The following MAGI2 variants were observed in gnomAD, a reference collection of about 807,000 sequenced individuals.
The protein encoded by MAGI2 is membrane associated guanylate kinase, WW and PDZ domain containing 2.
In MAGI2, 35 loss-of-function variants were observed where a neutral mutation model predicts 133.3. That is an observed-to-expected ratio of 0.26 (90% CI 0.20 to 0.35). MAGI2 has a LOEUF of 0.35. Ranked by LOEUF, MAGI2 falls within the 10% of genes least tolerant of loss-of-function variation. The probability of loss-of-function intolerance (pLI) is 1.00; values close to 1 mark genes in which losing one functional copy is unlikely to be tolerated. For missense variants in MAGI2, 1,636 were observed against 1,863.4 expected (o/e 0.88, Z 2.25); for synonymous variants, 729 against 710.6 (o/e 1.03, Z -0.41).
intron 2 of MAGI2, among the ~76,000 whole-genome samples, chr7:78,881,159 TC>T (rs1307546763): frequency 6.6e-6 from 1 of 152,090 alleles, no homozygotes; most frequent in Non-Finnish European, 1.5e-5. Context: ...ACTAGACAGA[TC>T]ATCAAGGCAG....
chr7:78,399,382 G>T (rs887730486), intron 6 of MAGI2, among the ~76,000 whole-genome samples: 11 of 152,210 alleles, frequency 7.2e-5, no homozygotes, highest in Admixed American at 2.6e-4. Context: ...CGTGTTATAT[G>T]CTGTGAAATG....
At chr7:79,160,806 T>A (rs1199551076) in intron 1 of MAGI2, among the ~76,000 whole-genome samples, 1 of 152,188 alleles carries the variant, frequency 6.6e-6, no homozygotes, top group East Asian at 1.9e-4. Flanking sequence ...ACAGGCTTTA[T>A]GATAACTGGT....
rs114410188 is a variant in MAGI2 at position 79,284,472 on chromosome 7, T to C, written c.301+168548A>G. ...CATATCACATACTTTTAATAGTTACTGCATATGCTGGCCTCTTCCAATTTT... is the reference window on the plus strand; with the variant it reads ...CATATCACATACTTTTAATAGTTACCGCATATGCTGGCCTCTTCCAATTTT... On this transcript the variant is annotated intron_variant, in intron 1 of 21. Coordinates refer to ENST00000354212, the MANE Select transcript of MAGI2 (RefSeq NM_012301.4). Among the ~76,000 whole-genome samples the C allele has an allele frequency of 9.9e-3, 1,504 of 152,250 alleles. 25 individuals carry two copies. The highest frequency in any genetic ancestry group is 0.035 in the African/African-American group (1,452 of 41,574).
intron 1 of MAGI2, among the ~76,000 whole-genome samples, chr7:79,286,074 C>T (rs1835975836): frequency 6.6e-6 from 1 of 151,862 alleles, no homozygotes; most frequent in Non-Finnish European, 1.5e-5. Context: ...AACTACCTTT[C>T]CTGGAATGAG....
chr7:79,113,762 C>A (rs1294378740), intron 1 of MAGI2, among the ~76,000 whole-genome samples: 2 of 151,874 alleles, frequency 1.3e-5, no homozygotes, highest in Admixed American at 6.6e-5. Context: ...TGCGTGTATT[C>A]TGCTACCCAG....
chr7:78,124,681 GAC>G (rs143567278), intron 20 of MAGI2, among the ~76,000 whole-genome samples: 5 of 150,404 alleles, frequency 3.3e-5, no homozygotes, highest in Non-Finnish European at 3.0e-5. Flanking sequence ...TTCATACACC[GAC>G]ACACACACAC....
At chr7:79,056,741 TA>T (rs1813181661) in intron 1 of MAGI2, among the ~76,000 whole-genome samples, 1 of 152,252 alleles carries the variant, frequency 6.6e-6, no homozygotes, top group Admixed American at 6.5e-5. Context: ...GTAATTATTA[TA>T]AAGAATAATA....
chr7:78,633,401 G>GC (rs990991845), intron 2 of MAGI2, among the ~76,000 whole-genome samples: 1 of 151,544 alleles, frequency 6.6e-6, no homozygotes, highest in Non-Finnish European at 1.5e-5. Context: ...GAACCTAAAA[G>GC]TTTTTTTTTA....
intron 16 of MAGI2, among the ~76,000 whole-genome samples, chr7:78,154,385 G>A (rs1017102289): frequency 2.0e-5 from 3 of 152,206 alleles, no homozygotes; most frequent in African/African-American, 7.2e-5. Context: ...GGAGGATTGC[G>A]AGGAGCCAGC....
chr7:78,338,099 T>C (rs1355571937), intron 9 of MAGI2, among the ~76,000 whole-genome samples: 1 of 152,194 alleles, frequency 6.6e-6, no homozygotes, highest in East Asian at 1.9e-4. Flanking sequence ...ATTTGTGATA[T>C]TTTGGTTTTT....
intron 2 of MAGI2, among the ~76,000 whole-genome samples, chr7:78,706,968 G>A (rs77656760): frequency 0.019 from 2,940 of 152,146 alleles, 84 homozygotes; most frequent in African/African-American, 0.061. Flanking sequence ...GAATGACTTG[G>A]CCCTCCAGAA....
At chr7:78,284,805 T>C (rs1197950244) in intron 9 of MAGI2, among the ~76,000 whole-genome samples, 1 of 152,082 alleles carries the variant, frequency 6.6e-6, no homozygotes, top group Non-Finnish European at 1.5e-5. Flanking sequence ...GATTATATGG[T>C]AGGAGAATCT....
intron 6 of MAGI2, among the ~76,000 whole-genome samples, chr7:78,451,036 A>C (rs1788674087): frequency 6.6e-6 from 1 of 152,108 alleles, no homozygotes; most frequent in Admixed American, 6.6e-5. Context: ...AAATGTTGAC[A>C]TCAAGGTCAT....
In MAGI2 at chr7:78,686,882, T is replaced by C. The variant is rs528159458; in HGVS notation, c.419-59643A>G. On this transcript the variant is annotated intron_variant, in intron 2 of 21. Coordinates refer to ENST00000354212, the MANE Select transcript of MAGI2 (RefSeq NM_012301.4). ...ACTAGAGGTGGCTAAAAGTGAAACA[T>C]TCCCCTTCAGAGGTACTAAGTTCTA... Among the ~76,000 whole-genome samples the C allele has an allele frequency of 6.2e-4, 95 of 152,288 alleles. 2 individuals are homozygous for C. Among genetic ancestry groups the C allele is most frequent in the Middle Eastern group, 6.8e-3 (2 of 294 alleles).
intron 1 of MAGI2, among the ~76,000 whole-genome samples, chr7:79,055,272 T>C (rs1452986683): frequency 2.1e-5 from 3 of 139,600 alleles, no homozygotes; most frequent in African/African-American, 9.0e-5. Flanking sequence ...ACATAAACTT[T>C]GTAAGGGCAT....
chr7:78,128,992 T>A (rs1821273875), intron 18 of MAGI2, among the ~76,000 whole-genome samples: 1 of 152,224 alleles, frequency 6.6e-6, no homozygotes, highest in South Asian at 2.1e-4. Flanking sequence ...TGTCAGTGTG[T>A]GTTGGTTCCT....
At chr7:78,223,691 G>A (rs1789064241) in intron 10 of MAGI2, among the ~76,000 whole-genome samples, 1 of 152,016 alleles carries the variant, frequency 6.6e-6, no homozygotes, top group South Asian at 2.1e-4. Flanking sequence ...AATGCCACAA[G>A]CCTCCCTATT....
chr7:78,773,012 T>A (rs112464063), intron 2 of MAGI2, among the ~76,000 whole-genome samples: 2 of 152,340 alleles, frequency 1.3e-5, no homozygotes, highest in African/African-American at 4.8e-5. Context: ...ACCCACTGGC[T>A]TTTGTTCTTT....
chr7:78,052,261 G>T (rs568035742), intron 21 of MAGI2, among the ~76,000 whole-genome samples: 2 of 152,104 alleles, frequency 1.3e-5, no homozygotes, highest in East Asian at 1.9e-4. Flanking sequence ...GGTGTGGCTC[G>T]CTCTGAATGG....
Sources: gnomAD v4.1 joint callset for allele counts (sites outside exome capture counted in the v4.1 genomes callset) on GRCh38, gnomAD v4.1.1 for gene constraint, MANE v1.5 for transcripts, NCBI Gene and HGNC (gene_info 2026-07-23, HGNC 2026-07-21) for gene names.